Variants in PIGN observed in about 807,000 individuals in gnomAD.
PIGN encodes phosphatidylinositol glycan anchor biosynthesis class N.
Under a neutral mutation model 125.4 loss-of-function variants are expected in PIGN, and 117 were observed. The ratio of observed to expected loss-of-function variants is 0.93; its 90% CI spans 0.80 to 1.09. PIGN has a LOEUF of 1.09. PIGN is among the 50% of genes least tolerant of loss of function. The pLI is 0.00. For missense variants in PIGN, 1,075 were observed against 1,094.9 expected, an observed-to-expected ratio of 0.98 and a Z score of 0.26; for synonymous variants, 392 against 377.8, an observed-to-expected ratio of 1.04 and a Z score of -0.44.
At chr18:62,067,819 G>A (rs1310517390) in intron 30 of PIGN, among the ~76,000 whole-genome samples, 2 of 152,148 alleles carry the variant, frequency 1.3e-5, no homozygotes, top group Admixed American at 6.5e-5. Flanking sequence ...CGTATGTTTT[G>A]CCTTCTCTTG....
At chr18:62,103,342 T>C (rs923948086) in intron 20 of PIGN, among the ~76,000 whole-genome samples, 2 of 150,026 alleles carry the variant, frequency 1.3e-5, no homozygotes, top group African/African-American at 4.8e-5. Context: ...AAAAAGTATC[T>C]ACATATATAA....
chr18:62,037,279 C>A (rs189438480), downstream of PIGN, among the ~76,000 whole-genome samples: 19 of 152,328 alleles, frequency 1.2e-4, no homozygotes, highest in Admixed American at 9.8e-4. Flanking sequence ...TCTGAGTTGA[C>A]TAGCAAATCA....
At position 62,034,057 on chromosome 18, in the gene PIGN, T is replaced by A. The variant is rs190161406; in HGVS notation, c.2143-16316A>T. Reference sequence around the variant, plus strand: ...CATAAATTCTGCCTCCTAAACTGCATTATCAGTTTCTTGAGGGCAAGAATT... The same window carrying A: ...CATAAATTCTGCCTCCTAAACTGCAATATCAGTTTCTTGAGGGCAAGAATT... On this transcript the variant is annotated intron_variant, in intron 23 of 24. Transcript: ENST00000639600. 1.2e-4 allele frequency among the ~76,000 whole-genome samples: 19 copies of A among 152,292 alleles called. No individual in the cohort carries two copies. The East Asian group carries it at 3.7e-3, about 29-fold the overall frequency.
chr18:62,185,289 T>C (rs1391154797), intron 1 of PIGN, among the ~76,000 whole-genome samples: 1 of 152,228 alleles, frequency 6.6e-6, no homozygotes, highest in East Asian at 1.9e-4. Flanking sequence ...ATTTGCCATT[T>C]CAATTCTATT....
At position 62,140,475 on chromosome 18, in the gene PIGN, T is replaced by C. The variant is rs2036094002; in HGVS notation, c.968A>G (p.Asp323Gly). 2.6e-6 allele frequency: 4 copies of C among 1,538,254 alleles called. No homozygotes were observed. The highest frequency in any genetic ancestry group is 1.8e-5 in the Admixed American group (1 of 55,870). ...AAGGGAAGTCATCAATGGTGCAATA[T>C]CAGCCTACAAATAAAAAAGCTCAAT... ...NWKRLDVNQA[D>G]IAPLMTSLIG... Residue 323 changes from aspartate to glycine, a missense_variant, in exon 12 of 31, where the codon GAT becomes GGT. By Grantham distance (94) the Asp-to-Gly change is moderately conservative. Coordinates refer to ENST00000640252, the MANE Select transcript of PIGN (RefSeq NM_176787.5).
intron 3 of PIGN, among the ~76,000 whole-genome samples, 161 bp from the exon 4 acceptor site, chr18:62,161,546 T>C (rs1045971001): frequency 9.9e-5 from 15 of 152,198 alleles, no homozygotes; most frequent in Admixed American, 6.5e-5. Context: ...CACTATTTAA[T>C]AATGTGACAT....
At chr18:62,019,741 T>C (rs776258079) in intron 23 of PIGN, among the ~76,000 whole-genome samples, 4 of 152,326 alleles carry the variant, frequency 2.6e-5, no homozygotes, top group Middle Eastern at 3.4e-3. Flanking sequence ...ACAGATTAAC[T>C]GATACTGGCC....
chr18:62,171,650 A>G (rs939707875), intron 1 of PIGN, among the ~76,000 whole-genome samples: 1 of 152,102 alleles, frequency 6.6e-6, no homozygotes, highest in African/African-American at 2.4e-5. Context: ...TAAATCATGA[A>G]TGGATGTTGG....
At chr18:62,160,697 C>T (rs918240197) in intron 4 of PIGN, among the ~76,000 whole-genome samples, 7 of 151,858 alleles carry the variant, frequency 4.6e-5, no homozygotes, top group African/African-American at 9.7e-5. Flanking sequence ...TTAGTAGAAA[C>T]GGGGTTTCTC....
intron 4 of PIGN, 88 bp from the exon 5 acceptor site, chr18:62,157,896 G>A: frequency 1.0e-5 from 13 of 1,243,640 alleles, no homozygotes; most frequent in East Asian, 5.2e-5. Flanking sequence ...TATTACAGAA[G>A]GAATCAAAAG....
chr18:62,089,317 C>G (rs2033854926), intron 24 of PIGN, among the ~76,000 whole-genome samples: 3 of 152,078 alleles, frequency 2.0e-5, no homozygotes, highest in Non-Finnish European at 4.4e-5. Context: ...GCAACATAGT[C>G]CTGTCTTTGG....
intron 4 of PIGN, among the ~76,000 whole-genome samples, chr18:62,158,583 G>T (rs1217363835): frequency 2.6e-5 from 4 of 152,140 alleles, no homozygotes; most frequent in Admixed American, 2.6e-4. Context: ...AACTACAAGT[G>T]GTGCTATTAT....
chr18:62,030,232 G>C (rs1023577935), intron 23 of PIGN, among the ~76,000 whole-genome samples: 1 of 152,228 alleles, frequency 6.6e-6, no homozygotes. Context: ...TTGTGATGGT[G>C]TCAGGCCCTG....
chr18:62,125,267 AAC>A (rs79322640), intron 14 of PIGN, among the ~76,000 whole-genome samples: 37,844 of 146,012 alleles, frequency 0.26, 5,207 homozygotes, highest in Middle Eastern at 0.39. Flanking sequence ...TATGTGTATA[AAC>A]ACACACACAC....
chr18:62,046,001 T>G, intron 30 of PIGN, 22 bp from the exon 31 acceptor site: 1 of 1,607,018 alleles, frequency 6.2e-7, no homozygotes, highest in East Asian at 2.2e-5. Context: ...GAAAAAGATG[T>G]TACAGGCAGA....
At chr18:62,149,773 A>G (rs1229968211) in intron 7 of PIGN, among the ~76,000 whole-genome samples, 2 of 152,216 alleles carry the variant, frequency 1.3e-5, no homozygotes, top group Non-Finnish European at 2.9e-5. Flanking sequence ...CATGCCCTGA[A>G]GTTAGAGGAA....
intron 23 of PIGN, among the ~76,000 whole-genome samples, chr18:62,021,069 C>A (rs1249311899): frequency 2.0e-5 from 3 of 152,034 alleles, no homozygotes; most frequent in African/African-American, 7.3e-5. Flanking sequence ...ATGGTACCAC[C>A]ACTTTGGAAT....
intron 14 of PIGN, chr18:62,136,786 T>C (rs2035949773): frequency 6.1e-6 from 2 of 329,186 alleles, no homozygotes; most frequent in Non-Finnish European, 1.1e-5. Context: ...TCCTTGCTAA[T>C]TGAATGTGAA....
In PIGN at chr18:62,084,725, ACAT is replaced by A. The variant is rs2033610804; in HGVS notation, c.2427-122_2427-120del. ...AATCTACTTACTAAAACACAAGCAA[ACAT>A]CATATTATGAAGCCACTAAAATGAA... On this transcript the variant is annotated intron_variant, in intron 26 of 30. Transcript: ENST00000640252. 14 of 719,604 alleles carry A rather than the reference ACAT, an allele frequency of 1.9e-5. No individual in the cohort carries two copies. In the East Asian group the frequency reaches 3.8e-4, roughly 20 times the overall value. 44.6% of individuals were successfully genotyped at this position (719,604 alleles called of 1,614,324 possible).
Sources: gnomAD v4.1 joint callset for allele counts (sites outside exome capture counted in the v4.1 genomes callset) on GRCh38, gnomAD v4.1.1 for gene constraint, MANE v1.5 for transcripts, NCBI Gene and HGNC (gene_info 2026-07-23, HGNC 2026-07-21) for gene names.